The following BACH2 variants were observed in gnomAD, a reference collection of about 807,000 sequenced individuals.
BACH2 encodes the protein transcription regulator protein BACH2.
In BACH2, 5 loss-of-function variants were observed where a neutral mutation model predicts 61.8. The observed-to-expected ratio is 0.08, with a 90% confidence interval of 0.04 to 0.17. The LOEUF (loss-of-function observed/expected upper bound fraction) is 0.17, where lower values mean the gene tolerates loss of function less well. Ranked by LOEUF, BACH2 falls within the 10% of genes least tolerant of loss-of-function variation. The pLI, the probability that BACH2 is intolerant of heterozygous loss-of-function variation, is 1.00. For synonymous variants in BACH2, 446 were observed against 440.1 expected, an observed-to-expected ratio of 1.01 and a Z score of -0.17; for missense variants, 824 against 1,091.1, an observed-to-expected ratio of 0.76 and a Z score of 3.45.
chr6:90,231,731 T>G (rs892961089), intron 3 of BACH2, among the ~76,000 whole-genome samples: 1 of 152,218 alleles, frequency 6.6e-6, no homozygotes, highest in Non-Finnish European at 1.5e-5. Context: ...TAGCCAATAA[T>G]AAAAGATTTC....
rs1044243786 is a variant in BACH2, at chr6:90,240,990, C to T, written c.-275+11523G>A. ...GACTAAAAGTATAGAAAAAATTAGC[C>T]AGGCGTGGTGGCGTGCGCCTGTAGT... On this transcript the variant is annotated intron_variant, in intron 3 of 8. Transcript: ENST00000257749. Among the ~76,000 whole-genome samples the T allele has an allele frequency of 2.6e-4, 40 of 151,616 alleles. 1 individual carries two copies. The highest frequency in any genetic ancestry group is 2.4e-3 in the Admixed American group (37 of 15,206).
chr6:89,986,046 C>T (rs1161323573), intron 6 of BACH2, among the ~76,000 whole-genome samples: 1 of 152,134 alleles, frequency 6.6e-6, no homozygotes, highest in Non-Finnish European at 1.5e-5. Flanking sequence ...AGCCTTGCAT[C>T]TGAGAAAGGC....
At chr6:90,011,804 C>T (rs917282551) in intron 5 of BACH2, among the ~76,000 whole-genome samples, 1 of 151,668 alleles carries the variant, frequency 6.6e-6, no homozygotes, top group Admixed American at 6.6e-5. Flanking sequence ...GCCTGTAATC[C>T]CAGCTACTTG....
intron 4 of BACH2, among the ~76,000 whole-genome samples, chr6:90,197,753 T>C (rs1439401989): frequency 6.6e-6 from 1 of 152,200 alleles, no homozygotes; most frequent in Non-Finnish European, 1.5e-5. Context: ...AAACTCCTGA[T>C]GAAGGACGGC....
chr6:90,226,364 G>A (rs1769915330), intron 3 of BACH2, among the ~76,000 whole-genome samples: 1 of 152,214 alleles, frequency 6.6e-6, no homozygotes, highest in Non-Finnish European at 1.5e-5. Context: ...ATTTTGGGCA[G>A]TGGTATGCTG....
intron 7 of BACH2, among the ~76,000 whole-genome samples, chr6:89,947,118 C>T (rs1390623301): frequency 6.6e-6 from 1 of 152,146 alleles, no homozygotes; most frequent in Non-Finnish European, 1.5e-5. Flanking sequence ...AAACTCCTGT[C>T]TTGATTTCTG....
chr6:90,057,718 A>G (rs1780446191), intron 5 of BACH2, among the ~76,000 whole-genome samples: 1 of 152,256 alleles, frequency 6.6e-6, no homozygotes, highest in Non-Finnish European at 1.5e-5. Flanking sequence ...TGATGCAAAA[A>G]TCCTCAAGAA....
chr6:89,936,500 A>G (rs1035622244), intron 8 of BACH2, among the ~76,000 whole-genome samples: 13 of 152,234 alleles, frequency 8.5e-5, no homozygotes, highest in African/African-American at 3.1e-4. Context: ...TCCAAGGCAG[A>G]GAGGAAGTGG....
At chr6:89,988,722 A>G (rs1190386492) in intron 6 of BACH2, among the ~76,000 whole-genome samples, 2 of 152,220 alleles carry the variant, frequency 1.3e-5, no homozygotes, top group Admixed American at 6.5e-5. Flanking sequence ...GATATCCAAT[A>G]CATATCTATT....
chr6:89,951,624 C>G lies in BACH2; in HGVS notation c.482G>C (p.Gly161Ala). 6.2e-7 allele frequency: 1 copy of G among 1,614,226 alleles called. No individual in the cohort carries two copies. The change falls in exon 7 of 9, where the codon GGA becomes GCA. Residue 161 changes from glycine to alanine, a missense_variant. This residue lies in a region of BACH2 where 107 missense variants were observed against 121.7 expected (regional missense o/e 0.88). Coordinates refer to ENST00000257749, the MANE Select transcript of BACH2 (RefSeq NM_021813.4). The surrounding 1 kb of genome is among the most constrained non-coding windows in gnomAD (Gnocchi z 6.4). ...RPHEDCENSA[G>A]EEEDEEEETM... ...CTCCTCCTCTTCATCCTCCTCCTCTCCTGCAGAGTTCTCGCAGTCCTCGTG... is the reference window on the plus strand; with the variant it reads ...CTCCTCCTCTTCATCCTCCTCCTCTGCTGCAGAGTTCTCGCAGTCCTCGTG...
chr6:89,935,259 G>A (rs1772950248), intron 8 of BACH2, among the ~76,000 whole-genome samples: 2 of 152,168 alleles, frequency 1.3e-5, no homozygotes, highest in South Asian at 4.1e-4. Flanking sequence ...AAACACATCT[G>A]GGATGTCTCC....
intron 1 of BACH2, among the ~76,000 whole-genome samples, chr6:90,295,552 C>T (rs1772319580): frequency 2.0e-5 from 3 of 152,100 alleles, no homozygotes; most frequent in Admixed American, 1.3e-4. Context: ...CGAAGCACAG[C>T]GGGGCCACGG....
intron 4 of BACH2, among the ~76,000 whole-genome samples, chr6:90,156,683 G>T (rs893658520): frequency 5.3e-5 from 8 of 152,086 alleles, no homozygotes; most frequent in African/African-American, 1.9e-4. Context: ...GTGTTATATT[G>T]AGCTGAGGTG....
intron 3 of BACH2, among the ~76,000 whole-genome samples, chr6:90,207,124 T>C (rs1182817167): frequency 6.6e-6 from 1 of 152,078 alleles, no homozygotes; most frequent in Admixed American, 6.6e-5. Context: ...TTTGTTTTTG[T>C]TTTTGTTTTT....
chr6:90,029,935 G>C (rs930717265), intron 5 of BACH2, among the ~76,000 whole-genome samples: 16 of 152,212 alleles, frequency 1.1e-4, no homozygotes, highest in Middle Eastern at 3.2e-3. Flanking sequence ...GCAAAAGAAA[G>C]GCTTAGATTG....
intron 6 of BACH2, among the ~76,000 whole-genome samples, chr6:89,996,870 C>A (rs1776875850): frequency 6.6e-6 from 1 of 152,088 alleles, no homozygotes; most frequent in African/African-American, 2.4e-5. Context: ...AGGAGGTAAT[C>A]TTGCTTTACA....
At chr6:90,046,847 G>A (rs964284021) in intron 5 of BACH2, among the ~76,000 whole-genome samples, 1 of 152,028 alleles carries the variant, frequency 6.6e-6, no homozygotes, top group Admixed American at 6.6e-5. Flanking sequence ...TAAAGGGAAG[G>A]ATGAAGCTAA....
intron 4 of BACH2, among the ~76,000 whole-genome samples, chr6:90,129,582 T>C (rs1784010292): frequency 6.6e-6 from 1 of 152,216 alleles, no homozygotes; most frequent in South Asian, 2.1e-4. Context: ...CAATACTGAT[T>C]CTTCCTATCC....
intron 1 of BACH2, among the ~76,000 whole-genome samples, chr6:90,281,079 C>T (rs1165979293): frequency 6.6e-6 from 1 of 152,126 alleles, no homozygotes; most frequent in Non-Finnish European, 1.5e-5. Flanking sequence ...ACATAGCATC[C>T]CACACATGGG....
Sources: allele counts gnomAD v4.1 joint callset (sites outside exome capture counted in the v4.1 genomes callset), GRCh38; gene constraint gnomAD v4.1.1; regional missense constraint gnomAD v4.1.1; non-coding constraint Gnocchi (gnomAD v3.1); transcripts MANE v1.5; gene names NCBI Gene and HGNC (gene_info 2026-07-23, HGNC 2026-07-21).